KIF6: variants seen among roughly 807,000 people sequenced by gnomAD.
The protein encoded by KIF6 is kinesin family member 6.
A neutral mutation model predicts 112.7 loss-of-function variants in KIF6; 106 were observed. The observed-to-expected ratio is 0.94, with a 90% CI of 0.80 to 1.11. The LOEUF is 1.11. Among genes scored for constraint, KIF6 ranks in the 50% least tolerant of loss-of-function variants. The pLI is 0.00. For missense variants in KIF6, 929 were observed against 964.0 expected, an observed-to-expected ratio of 0.96 and a Z score of 0.48; for synonymous variants, 339 against 339.9, an observed-to-expected ratio of 1.00 and a Z score of 0.03.
intron 15 of KIF6, among the ~76,000 whole-genome samples, chr6:39,404,759 G>A (rs1768965340): frequency 6.6e-6 from 1 of 152,114 alleles, no homozygotes; most frequent in Non-Finnish European, 1.5e-5. Flanking sequence ...TCAGTTTAGG[G>A]AGAATTGACA....
chr6:39,468,563 A>T (rs546455637), intron 13 of KIF6, among the ~76,000 whole-genome samples: 1 of 152,184 alleles, frequency 6.6e-6, no homozygotes, highest in Admixed American at 6.5e-5. Context: ...ATGGAATGAC[A>T]CACTGAAATA....
chr6:39,472,881 A>T (rs1562246577), intron 13 of KIF6, among the ~76,000 whole-genome samples: 1 of 147,560 alleles, frequency 6.8e-6, no homozygotes, highest in Non-Finnish European at 1.5e-5. Flanking sequence ...TTTTTTTGAG[A>T]TGGAGTTTCA....
intron 15 of KIF6, among the ~76,000 whole-genome samples, chr6:39,395,990 C>T (rs1303125634): frequency 6.6e-6 from 1 of 152,140 alleles, no homozygotes; most frequent in East Asian, 1.9e-4. Context: ...CTTGATTCTA[C>T]TCATTTAATT....
At chr6:39,476,671 T>A (rs1774445876) in intron 13 of KIF6, among the ~76,000 whole-genome samples, 1 of 152,208 alleles carries the variant, frequency 6.6e-6, no homozygotes, top group South Asian at 2.1e-4. Flanking sequence ...AACCACTCTT[T>A]AAATAAACAA....
chr6:39,514,782 G>A (rs188499329), intron 13 of KIF6, among the ~76,000 whole-genome samples: 76 of 148,106 alleles, frequency 5.1e-4, no homozygotes, highest in Admixed American at 1.8e-3. Flanking sequence ...TTTCCCCCCC[G>A]GGGATGATTT....
chr6:39,402,569 A>G (rs888847097), intron 15 of KIF6, among the ~76,000 whole-genome samples: 1 of 152,132 alleles, frequency 6.6e-6, no homozygotes, highest in South Asian at 2.1e-4. Context: ...TAGAAGGGAA[A>G]ATTGCACTGC....
At chr6:39,715,138 G>C (rs1345839416) in intron 2 of KIF6, among the ~76,000 whole-genome samples, 1 of 152,254 alleles carries the variant, frequency 6.6e-6, no homozygotes, top group African/African-American at 2.4e-5. Context: ...GATGTAAACA[G>C]CCAAGGAACT....
At position 39,399,466 on chromosome 6, in the gene KIF6, T is replaced by C. The variant is rs200083300; in HGVS notation, c.1811-13794A>G. On this transcript the variant is annotated intron_variant, in intron 15 of 22. Transcript: ENST00000287152. ...TCTCATCAGGCCAATGGCACCCCCA[T>C]TGAGAAACGCTGCTTTTGAGGAAAG... 2.0e-5 allele frequency among the ~76,000 whole-genome samples: 3 copies of C among 152,172 alleles called. No homozygotes were observed. In the South Asian group the frequency reaches 6.2e-4, roughly 32 times the overall value.
intron 3 of KIF6, among the ~76,000 whole-genome samples, chr6:39,667,345 C>T (rs750588744): frequency 2.0e-5 from 3 of 152,234 alleles, no homozygotes; most frequent in East Asian, 1.9e-4. Flanking sequence ...GGAGTTCTGA[C>T]GTTTAAGGCA....
chr6:39,344,095 C>A (rs1053877454), intron 21 of KIF6, among the ~76,000 whole-genome samples: 1 of 152,146 alleles, frequency 6.6e-6, no homozygotes, highest in African/African-American at 2.4e-5. Context: ...ATAATTTCCA[C>A]GTGTTGTGGG....
intron 17 of KIF6, 75 bp downstream of exon 17, chr6:39,362,359 C>G (rs56003110): frequency 9.0e-7 from 1 of 1,116,550 alleles, no homozygotes; most frequent in African/African-American, 1.5e-5. Flanking sequence ...TAGCTGCAGC[C>G]CTGGGAAGCT....
chr6:39,492,073 G>A (rs1170691936), intron 13 of KIF6, among the ~76,000 whole-genome samples: 2 of 152,126 alleles, frequency 1.3e-5, no homozygotes, highest in Admixed American at 6.6e-5. Flanking sequence ...TGACACCCAC[G>A]GCGAGACTGT....
intron 13 of KIF6, among the ~76,000 whole-genome samples, chr6:39,525,466 C>T (rs748357322): frequency 6.6e-6 from 1 of 152,096 alleles, no homozygotes; most frequent in Non-Finnish European, 1.5e-5. Flanking sequence ...ATAAATAGAG[C>T]CTTTTAGGCT....
At chr6:39,595,028 C>A (rs1038130281) in intron 7 of KIF6, among the ~76,000 whole-genome samples, 1 of 152,046 alleles carries the variant, frequency 6.6e-6, no homozygotes, top group African/African-American at 2.4e-5. Context: ...TCTCCCCTGG[C>A]ATTAAATTCA....
chr6:39,662,901 T>TTC (rs1167441775), intron 3 of KIF6, among the ~76,000 whole-genome samples: 1 of 151,888 alleles, frequency 6.6e-6, no homozygotes, highest in South Asian at 2.1e-4. Flanking sequence ...TTTTCTTCTT[T>TTC]TCTCTCTCTC....
At chr6:39,578,319 A>G (rs1167868582) in intron 9 of KIF6, among the ~76,000 whole-genome samples, 160 bp from the exon 10 acceptor site, 6 of 149,802 alleles carry the variant, frequency 4.0e-5, no homozygotes, top group Non-Finnish European at 8.8e-5. Context: ...TTTTGTCAAA[A>G]TAGTTCTAGA....
intron 13 of KIF6, among the ~76,000 whole-genome samples, chr6:39,457,102 T>C (rs1773172941): frequency 1.3e-5 from 2 of 148,218 alleles, no homozygotes; most frequent in South Asian, 2.2e-4. Flanking sequence ...TATTCCAAAA[T>C]TGACCACATA....
At chr6:39,567,009 C>T (rs572372032) in intron 10 of KIF6, among the ~76,000 whole-genome samples, 89 of 152,182 alleles carry the variant, frequency 5.8e-4, no homozygotes, top group African/African-American at 2.0e-3. Flanking sequence ...GTTTTCTTTT[C>T]GGGCACTTTT....
Position 39,367,702 on chromosome 6 carries a change from C to T in KIF6, c.1862-5184G>A, listed in dbSNP as rs545651267. ...TGGGAAGGCCAGTCAAGATGTGGAC[C>T]CCCTCCTTCCTGACATAATTTCTAC... is the stretch of plus-strand genomic sequence containing the variant. On this transcript the variant is annotated intron_variant, in intron 16 of 22. Coordinates refer to ENST00000287152, the MANE Select transcript of KIF6 (RefSeq NM_145027.6). Among the ~76,000 whole-genome samples the T allele has an allele frequency of 8.9e-4, 135 of 152,168 alleles. 2 individuals carry two copies. The highest frequency in any genetic ancestry group is 2.7e-3 in the African/African-American group (113 of 41,488).
Sources: gnomAD v4.1 joint callset for allele counts (sites outside exome capture counted in the v4.1 genomes callset) on GRCh38, gnomAD v4.1.1 for gene constraint, MANE v1.5 for transcripts, NCBI Gene and HGNC (gene_info 2026-07-23, HGNC 2026-07-21) for gene names.